The following COMMD1 variants were observed in gnomAD, a reference collection of about 807,000 sequenced individuals.
COMMD1 encodes the protein copper metabolism domain containing 1.
In COMMD1, 10 loss-of-function variants were observed where a neutral mutation model predicts 17.2. The ratio of observed to expected loss-of-function variants is 0.58; its 90% CI spans 0.36 to 0.99. COMMD1 has a LOEUF of 0.99. Ranked by LOEUF, COMMD1 falls within the 50% of genes least tolerant of loss-of-function variation. The pLI is 0.01. For missense variants in COMMD1, 270 were observed against 231.8 expected, an observed-to-expected ratio of 1.17 and a Z score of -1.07; for synonymous variants, 97 against 91.6, an observed-to-expected ratio of 1.06 and a Z score of -0.34.
chr2:62,080,319 A>G (rs1330591027), intron 2 of COMMD1, among the ~76,000 whole-genome samples: 1 of 152,196 alleles, frequency 6.6e-6, no homozygotes, highest in Non-Finnish European at 1.5e-5. Context: ...AGAGATGAAT[A>G]CTGGCAATGT....
chr2:62,130,270 C>CTT (rs752361308), intron 2 of COMMD1, among the ~76,000 whole-genome samples: 61 of 141,860 alleles, frequency 4.3e-4, no homozygotes, highest in Non-Finnish European at 5.4e-4. Context: ...CTTTATGTGA[C>CTT]TTTTTTTTTT....
At chr2:62,127,737 C>T (rs1193670635) in intron 2 of COMMD1, among the ~76,000 whole-genome samples, 2 of 152,036 alleles carry the variant, frequency 1.3e-5, no homozygotes, top group Non-Finnish European at 2.9e-5. Flanking sequence ...AAGATGAGGC[C>T]AGGGGGCCGG....
chr2:61,964,323 C>T (rs923905347), intron 1 of COMMD1, among the ~76,000 whole-genome samples: 2 of 152,070 alleles, frequency 1.3e-5, no homozygotes, highest in African/African-American at 4.8e-5. Context: ...TGGGCTCTAG[C>T]AGTCCTCCCA....
chr2:61,975,038 T>G (rs933717048), intron 1 of COMMD1, among the ~76,000 whole-genome samples: 46 of 152,086 alleles, frequency 3.0e-4, no homozygotes, highest in African/African-American at 1.1e-3. Flanking sequence ...ATATAGCCTT[T>G]TTAGAATGGC....
At chr2:61,955,142 T>A (rs1572998772) in intron 1 of COMMD1, among the ~76,000 whole-genome samples, 1 of 152,328 alleles carries the variant, frequency 6.6e-6, no homozygotes, top group East Asian at 1.9e-4. Context: ...ATGACTGAGT[T>A]CTGTTTATGT....
At chr2:62,092,094 G>A (rs1462677116) in intron 2 of COMMD1, among the ~76,000 whole-genome samples, 2 of 152,206 alleles carry the variant, frequency 1.3e-5, no homozygotes, top group Non-Finnish European at 2.9e-5. Context: ...GAGGTCTGAA[G>A]AGAGAAGGAG....
At position 61,941,561 on chromosome 2, in the gene COMMD1, G is replaced by A. The variant is rs115685898; in HGVS notation, c.180+35703G>A. Among the ~76,000 whole-genome samples the A allele has an allele frequency of 4.6e-3, 707 of 152,186 alleles. 3 individuals carry two copies. Among genetic ancestry groups the A allele is most frequent in the Non-Finnish European group, 7.9e-3 (538 of 68,000 alleles). ...GAAGCATATCAACTGTTTCATCTGC[G>A]GTGCTCTACTTGGTATTTTATAGGG... is the stretch of plus-strand genomic sequence containing the variant. On this transcript the variant is annotated intron_variant, in intron 1 of 2. Transcript: ENST00000311832.
At chr2:61,985,125 A>G (rs1672070679) in intron 1 of COMMD1, among the ~76,000 whole-genome samples, 2 of 148,116 alleles carry the variant, frequency 1.4e-5, no homozygotes, top group African/African-American at 2.5e-5. Context: ...ATCTCGGCTC[A>G]CTGCAAGCTC....
intron 2 of COMMD1, among the ~76,000 whole-genome samples, chr2:62,055,256 G>A (rs761349576): frequency 1.1e-4 from 16 of 152,234 alleles, no homozygotes; most frequent in Non-Finnish European, 2.2e-4. Flanking sequence ...CCTGCACTGT[G>A]CACTTGTCTC....
intron 1 of COMMD1, among the ~76,000 whole-genome samples, chr2:61,915,524 T>A (rs1670025542): frequency 6.6e-6 from 1 of 152,200 alleles, no homozygotes; most frequent in Admixed American, 6.5e-5. Flanking sequence ...AGTCTCACTC[T>A]GTCACCCAGG....
intron 1 of COMMD1, among the ~76,000 whole-genome samples, chr2:61,897,050 G>A (rs529665982): frequency 1.4e-4 from 21 of 151,936 alleles, no homozygotes; most frequent in Non-Finnish European, 2.1e-4. Flanking sequence ...GGCTGGTCTC[G>A]AACTCCTGAC....
At chr2:61,982,969 A>G (rs372173643) in intron 1 of COMMD1, among the ~76,000 whole-genome samples, 12 of 152,106 alleles carry the variant, frequency 7.9e-5, no homozygotes, top group Non-Finnish European at 1.8e-4. Context: ...AGATATTGGC[A>G]TGTAGGTTTC....
rs866687378 is a variant in COMMD1, at chr2:61,920,981, A to T, written c.180+15123A>T. On this transcript the variant is annotated intron_variant, in intron 1 of 2. Transcript: ENST00000311832. ...TATATGTGTGTATATATATATATATATTTTTTTTTTTTTTGAGACAGAGCC... is the reference window on the plus strand; with the variant it reads ...TATATGTGTGTATATATATATATATTTTTTTTTTTTTTTTGAGACAGAGCC... Among the ~76,000 whole-genome samples, 891 of 141,350 alleles carry T rather than the reference A, an allele frequency of 6.3e-3. 22 individuals are homozygous for T. The highest frequency in any genetic ancestry group is 0.022 in the African/African-American group (827 of 37,170). The allele number at this position is 141,350 out of a possible 152,430, so 92.7% of individuals were successfully genotyped here.
intron 2 of COMMD1, among the ~76,000 whole-genome samples, chr2:62,063,348 G>A (rs1670923319): frequency 6.6e-6 from 1 of 152,078 alleles, no homozygotes; most frequent in South Asian, 2.1e-4. Context: ...GTGCCACCAC[G>A]CCCGGCTAAT....
intron 2 of COMMD1, among the ~76,000 whole-genome samples, chr2:62,033,915 G>GCCT (rs955750487): frequency 1.3e-5 from 2 of 151,882 alleles, no homozygotes; most frequent in Non-Finnish European, 2.9e-5. Flanking sequence ...TTCAATACCA[G>GCCT]CCTGGCCAAC....
chr2:62,052,095 GTA>G (rs1670553037), intron 2 of COMMD1, among the ~76,000 whole-genome samples: 2 of 152,112 alleles, frequency 1.3e-5, no homozygotes, highest in African/African-American at 4.8e-5. Flanking sequence ...CTTACCTATT[GTA>G]TCAGTTGGGA....
intron 2 of COMMD1, among the ~76,000 whole-genome samples, chr2:62,057,575 T>A (rs937386167): frequency 2.6e-5 from 4 of 152,048 alleles, no homozygotes; most frequent in African/African-American, 9.7e-5. Flanking sequence ...GTTCAAAATA[T>A]TTTATTTATT....
In COMMD1 at chr2:62,052,335, T is replaced by C. The variant is rs887057900; in HGVS notation, c.462+51353T>C. ...TCTTATAACCTGGTATTTAAATAAA[T>C]AAATAAATAGATTAAAATTAAAAGA... is the stretch of plus-strand genomic sequence containing the variant. On this transcript the variant is annotated intron_variant, in intron 2 of 2. Transcript: ENST00000311832. Among the ~76,000 whole-genome samples the C allele has an allele frequency of 1.1e-4, 16 of 152,176 alleles. No individual in the cohort carries two copies. In the South Asian group the frequency reaches 1.5e-3, roughly 14 times the overall value.
intron 1 of COMMD1, among the ~76,000 whole-genome samples, chr2:61,924,068 C>T (rs759512479): frequency 4.6e-5 from 7 of 152,306 alleles, no homozygotes; most frequent in Non-Finnish European, 8.8e-5. Context: ...TGAGCCACAA[C>T]GCCCAGTCTA....
Sources: gnomAD v4.1 joint callset for allele counts (sites outside exome capture counted in the v4.1 genomes callset) on GRCh38, gnomAD v4.1.1 for gene constraint, MANE v1.5 for transcripts, NCBI Gene and HGNC (gene_info 2026-07-23, HGNC 2026-07-21) for gene names.